PRELID2: variants seen among roughly 807,000 people sequenced by gnomAD.
PRELID2 encodes PRELI domain containing 2, also known as PRELI domain-containing protein 2.
A neutral mutation model predicts 28.4 loss-of-function variants in PRELID2; 25 were observed. That is an observed-to-expected ratio of 0.88 (90% CI 0.64 to 1.23). The LOEUF (loss-of-function observed/expected upper bound fraction) is 1.23. Ranked by LOEUF, PRELID2 falls within the 50% of genes most tolerant of loss-of-function variation. The pLI, the probability that PRELID2 is intolerant of heterozygous loss-of-function variation, is 0.00. For synonymous variants in PRELID2, 76 were observed against 71.6 expected, an observed-to-expected ratio of 1.06 and a Z score of -0.31; for missense variants, 201 against 214.4, an observed-to-expected ratio of 0.94 and a Z score of 0.39.
chr5:145,740,924 C>T (rs1370482300), intron 1 of PRELID2, among the ~76,000 whole-genome samples: 3 of 42,682 alleles, frequency 7.0e-5, no homozygotes, highest in Non-Finnish European at 1.7e-4. Flanking sequence ...ATATATTTAT[C>T]GATAAATATA....
At chr5:145,420,062 A>G in the PRELID2 span, among the ~76,000 whole-genome samples, 1 of 151,938 alleles carries the variant, frequency 6.6e-6, no homozygotes, top group Non-Finnish European at 1.5e-5. Context: ...ATTATTTCTG[A>G]GGACTCTGTT....
intron 1 of PRELID2, among the ~76,000 whole-genome samples, chr5:145,530,991 C>A (rs1752650419): frequency 6.6e-6 from 1 of 152,088 alleles, no homozygotes; most frequent in Non-Finnish European, 1.5e-5. Context: ...AAAGTTCTTT[C>A]ATTTTGGTTT....
chr5:145,501,395 A>G (rs1176963376), intron 1 of PRELID2, among the ~76,000 whole-genome samples: 1 of 152,110 alleles, frequency 6.6e-6, no homozygotes, highest in African/African-American at 2.4e-5. Context: ...GGGGCTTGAT[A>G]TGGTTTGGCT....
chr5:145,266,733 T>C, the PRELID2 span, among the ~76,000 whole-genome samples: 4 of 152,162 alleles, frequency 2.6e-5, no homozygotes, highest in Non-Finnish European at 4.4e-5. Flanking sequence ...AAAAGATACT[T>C]GCACACATGT....
chr5:145,488,718 T>A (rs1039695430), intron 1 of PRELID2, among the ~76,000 whole-genome samples: 2 of 152,210 alleles, frequency 1.3e-5, no homozygotes, highest in Admixed American at 6.5e-5. Flanking sequence ...TAGCACATAG[T>A]AAACACTGAA....
At chr5:145,419,330 G>A in the PRELID2 span, among the ~76,000 whole-genome samples, 1 of 115,388 alleles carries the variant, frequency 8.7e-6, no homozygotes, top group African/African-American at 3.1e-5. Flanking sequence ...GGTTGAACTA[G>A]TTTACAGTCC....
At chr5:145,665,162 G>GT (rs1754563567) in intron 1 of PRELID2, among the ~76,000 whole-genome samples, 1 of 152,052 alleles carries the variant, frequency 6.6e-6, no homozygotes, top group Non-Finnish European at 1.5e-5. Context: ...AAAAAGAAGA[G>GT]TTTTAACTCT....
chr5:145,574,455 C>T (rs1363555), intron 1 of PRELID2, among the ~76,000 whole-genome samples: 29,905 of 152,114 alleles, frequency 0.2, 5,246 homozygotes, highest in African/African-American at 0.46. Context: ...ACCCTCCAAA[C>T]GTAACCCTCT....
chr5:145,402,325 C>T, the PRELID2 span, among the ~76,000 whole-genome samples: 4 of 152,156 alleles, frequency 2.6e-5, no homozygotes, highest in Admixed American at 2.6e-4. Flanking sequence ...AGACTCAGCA[C>T]ATTTTATCTT....
the PRELID2 span, among the ~76,000 whole-genome samples, chr5:145,243,676 T>C: frequency 1.3e-5 from 2 of 151,906 alleles, no homozygotes; most frequent in African/African-American, 2.4e-5. Flanking sequence ...ATATAGTATA[T>C]ATAGCCTTTT....
chr5:145,334,630 C>T, the PRELID2 span, among the ~76,000 whole-genome samples: 1 of 152,092 alleles, frequency 6.6e-6, no homozygotes, highest in African/African-American at 2.4e-5. Flanking sequence ...TTTTATTATA[C>T]CTTGAAGAAC....
chr5:145,372,626 T>C, the PRELID2 span, among the ~76,000 whole-genome samples: 1 of 151,816 alleles, frequency 6.6e-6, no homozygotes, highest in East Asian at 1.9e-4. Context: ...TTCTTGATCT[T>C]TGTTGGTTTA....
chr5:145,528,870 T>C (rs1187715286), intron 1 of PRELID2, among the ~76,000 whole-genome samples: 5 of 152,110 alleles, frequency 3.3e-5, no homozygotes, highest in Non-Finnish European at 7.4e-5. Context: ...ACTGTGCTGA[T>C]TCTCAAGGAA....
the PRELID2 span, among the ~76,000 whole-genome samples, chr5:145,433,286 C>T: frequency 1.3e-5 from 2 of 152,138 alleles, no homozygotes; most frequent in Admixed American, 6.5e-5. Flanking sequence ...CTAACCTCTG[C>T]CTTGGAGTAT....
the PRELID2 span, among the ~76,000 whole-genome samples, chr5:145,247,323 G>A: frequency 0.26 from 39,657 of 151,856 alleles, 5,659 homozygotes; most frequent in Middle Eastern, 0.38. Flanking sequence ...ATAAAACTCC[G>A]GTCTCCCACA....
the PRELID2 span, among the ~76,000 whole-genome samples, chr5:145,376,026 G>A: frequency 3.9e-5 from 6 of 152,194 alleles, no homozygotes; most frequent in Non-Finnish European, 5.9e-5. Context: ...GATATGGGCT[G>A]TGGGTTTGTC....
Position 145,818,010 on chromosome 5 carries a change from T to C in PRELID2, c.252A>G (p.Ser84=), listed in dbSNP as rs150879548. The part of the protein sequence containing the change: ...KVPNIQLEEE[S]WLNPRERNMA... ...TGTTTCTTTCCCGAGGATTGAGCCA[T>C]GACTCCTCTTCTAATTGGATATTAG... Residue 84 remains serine, a synonymous_variant, in exon 4 of 7, where the codon TCA becomes TCG. Transcript: ENST00000683046. 5.1e-4 allele frequency: 821 copies of C among 1,613,202 alleles called. 4 individuals carry two copies. The African/African-American group carries it at 9.3e-3, about 18-fold the overall frequency.
At chr5:145,233,557 G>A in the PRELID2 span, among the ~76,000 whole-genome samples, 3 of 152,104 alleles carry the variant, frequency 2.0e-5, no homozygotes, top group African/African-American at 7.2e-5. Context: ...ATCAAAACTA[G>A]AAAAGGTAAT....
At chr5:145,279,170 AT>A in the PRELID2 span, among the ~76,000 whole-genome samples, 1 of 152,168 alleles carries the variant, frequency 6.6e-6, no homozygotes, top group South Asian at 2.1e-4. Context: ...GGAGGCTGAT[AT>A]TACTTTCAAT....
Sources: allele counts gnomAD v4.1 joint callset (sites outside exome capture counted in the v4.1 genomes callset), GRCh38; gene constraint gnomAD v4.1.1; transcripts MANE v1.5; gene names NCBI Gene and HGNC (gene_info 2026-07-23, HGNC 2026-07-21).